The following USP9X variants were observed in gnomAD, a reference collection of about 807,000 sequenced individuals.
USP9X encodes ubiquitin carboxyl-terminal hydrolase 9X.
Under a neutral mutation model 190.3 loss-of-function variants are expected in USP9X, and 7 were observed. The ratio of observed to expected loss-of-function variants is 0.04; its 90% CI spans 0.02 to 0.07. The LOEUF (loss-of-function observed/expected upper bound fraction) is 0.07, where lower values mean the gene tolerates loss of function less well. Ranked by LOEUF, USP9X falls within the 10% of genes least tolerant of loss-of-function variation. The pLI is 1.00. For synonymous variants in USP9X, 645 were observed against 659.5 expected (o/e 0.98, Z 0.34); for missense variants, 1,010 against 1,916.9 (o/e 0.53, Z 8.83).
At chrX:41,160,657 C>T (rs2147100277) in intron 14 of USP9X, among the ~76,000 whole-genome samples, 1 of 111,608 alleles carries the variant, frequency 9.0e-6, no homozygotes, top group Non-Finnish European at 1.9e-5. Flanking sequence ...AACCTGCCTC[C>T]CTTCTGTGTT....
At chrX:41,112,790 A>G (rs1247863925) in intron 1 of USP9X, among the ~76,000 whole-genome samples, 3 of 112,787 alleles carry the variant, frequency 2.7e-5, no homozygotes, top group African/African-American at 9.7e-5. Flanking sequence ...ATTAGTTAAA[A>G]TAGTAATGTT....
At chrX:41,227,764 G>T (rs891184054) in intron 41 of USP9X, among the ~76,000 whole-genome samples, 1 of 109,713 alleles carries the variant, frequency 9.1e-6, no homozygotes, top group Admixed American at 9.7e-5. Flanking sequence ...GCAGTGGCGC[G>T]ATCTCGGCTC....
In USP9X at chrX:41,136,805, G is replaced by A. The variant is rs374612695; in HGVS notation, c.437G>A (p.Arg146Lys). 9 of 1,198,504 alleles carry A rather than the reference G, an allele frequency of 7.5e-6. No individual in the cohort carries two copies. The highest frequency in any genetic ancestry group is 1.0e-5 in the Non-Finnish European group (9 of 885,115). The change falls in exon 6 of 45, where the codon AGG becomes AAG. Residue 146 changes from arginine to lysine, a missense_variant and splice_region_variant. By Grantham distance (26) the Arg-to-Lys change is conservative (BLOSUM62 2). This residue lies in a region of USP9X where 176 missense variants were observed against 247.5 expected (regional missense o/e 0.71). Coordinates refer to ENST00000378308, the MANE Select transcript of USP9X (RefSeq NM_001039591.3). Reference sequence around the variant, plus strand: ...TCGCCTTTCCCCCTTGTATAACAGAGGTGTATTATTAACAATACTCATCGT... The same window carrying A: ...TCGCCTTTCCCCCTTGTATAACAGAAGTGTATTATTAACAATACTCATCGT... ...AVSGWKFEIHRCIINNTHRLV... is the reference protein window; with the variant it reads ...AVSGWKFEIHKCIINNTHRLV...
chrX:41,111,410 A>G (rs2062107791), intron 1 of USP9X, among the ~76,000 whole-genome samples: 1 of 112,192 alleles, frequency 8.9e-6, no homozygotes. Context: ...CTTTTGTTAC[A>G]GAAGGGGCTA....
intron 1 of USP9X, among the ~76,000 whole-genome samples, chrX:41,117,520 A>G (rs923759779): frequency 1.8e-5 from 2 of 109,376 alleles, no homozygotes; most frequent in African/African-American, 3.3e-5. Flanking sequence ...TATATATACA[A>G]TTTTACTGTG....
intron 2 of USP9X, among the ~76,000 whole-genome samples, chrX:41,126,512 G>C (rs181349283): frequency 1.1e-3 from 126 of 111,635 alleles, no homozygotes; most frequent in Non-Finnish European, 1.9e-3. Context: ...CATGGCTTTA[G>C]ACAAAAATCA....
chrX:41,168,515 T>A (rs778843024), intron 18 of USP9X, among the ~76,000 whole-genome samples: 10 of 112,201 alleles, frequency 8.9e-5, no homozygotes, highest in Non-Finnish European at 1.5e-4. Context: ...TTTGTTTATT[T>A]GTTTATTTTG....
rs2147126067 is a variant in USP9X, at chrX:41,171,569, A to G, written c.3028-269A>G. ...GGCATGGCAGCCTTTTGTTATGTCC[A>G]GAGTCTAAATTGTATATATGAGAGA... On this transcript the variant is annotated intron_variant, in intron 20 of 44. Transcript: ENST00000378308. The G allele has an allele frequency of 1.5e-5, 5 of 324,263 alleles. No individual in the cohort carries two copies. In the South Asian group the frequency reaches 1.8e-4, roughly 12 times the overall value. 26.7% of individuals were successfully genotyped at this position (324,263 alleles called of 1,213,427 possible). A position where few individuals can be genotyped will look rare whatever the true frequency, so the allele number is the denominator to read the frequency against.
At chrX:41,128,025 C>CG (rs1440976763) in intron 2 of USP9X, among the ~76,000 whole-genome samples, 1 of 111,163 alleles carries the variant, frequency 9.0e-6, no homozygotes, top group South Asian at 3.7e-4. Flanking sequence ...ACTGTTAAAA[C>CG]GGGGGGAGAG....
intron 1 of USP9X, among the ~76,000 whole-genome samples, chrX:41,099,085 C>A (rs1450554874): frequency 2.4e-5 from 2 of 82,031 alleles, no homozygotes; most frequent in Non-Finnish European, 4.6e-5. Flanking sequence ...TGCCATAATG[C>A]CCAGATAATT....
intron 41 of USP9X, 89 bp from the exon 42 acceptor site, chrX:41,229,164 G>A: frequency 3.2e-6 from 2 of 630,829 alleles, no homozygotes; most frequent in Non-Finnish European, 4.6e-6. Flanking sequence ...ATGACTAAAA[G>A]ACATTATTGA....
At chrX:41,203,724 G>C (rs2063063663) in intron 31 of USP9X, among the ~76,000 whole-genome samples, 1 of 110,512 alleles carries the variant, frequency 9.0e-6, no homozygotes, top group Non-Finnish European at 1.9e-5. Context: ...TTCAGACAGA[G>C]TCTCACTCTG....
intron 5 of USP9X, among the ~76,000 whole-genome samples, chrX:41,136,545 G>A (rs1218909361): frequency 8.9e-6 from 1 of 112,009 alleles, no homozygotes; most frequent in Non-Finnish European, 1.9e-5. Flanking sequence ...TCTTACCTGT[G>A]GACGTAGAGC....
chrX:41,125,363 C>T (rs1417415814), intron 2 of USP9X, among the ~76,000 whole-genome samples: 1 of 94,134 alleles, frequency 1.1e-5, no homozygotes, highest in South Asian at 5.5e-4. Flanking sequence ...ACATGAGCCA[C>T]GGTACCCGGC....
chrX:41,125,682 ACACTCTCTCTCTCTCTCT>A (rs1398969265), intron 2 of USP9X, among the ~76,000 whole-genome samples: 1 of 22,856 alleles, frequency 4.4e-5, no homozygotes, highest in African/African-American at 1.5e-4. Flanking sequence ...ACACACACAC[ACACTCTCTCTCTCTCTCT>A]CTCTCTCTCT....
chrX:41,087,141 C>T (rs1030714636), intron 1 of USP9X, among the ~76,000 whole-genome samples: 5 of 112,645 alleles, frequency 4.4e-5, no homozygotes, highest in African/African-American at 1.6e-4. Context: ...TTCAGATTGT[C>T]TTTTAGTTTA....
At chrX:41,108,966 G>A (rs2062089359) in intron 1 of USP9X, among the ~76,000 whole-genome samples, 1 of 111,135 alleles carries the variant, frequency 9.0e-6, no homozygotes, top group African/African-American at 3.3e-5. Context: ...CTCAAAGTTG[G>A]GGGTGTTGAG....
At chrX:41,231,731 CA>C (rs750438773) in intron 44 of USP9X, among the ~76,000 whole-genome samples, 2,979 of 47,892 alleles carry the variant, frequency 0.062, 120 homozygotes, top group African/African-American at 0.19. Flanking sequence ...ACTCCCATCT[CA>C]AAAAAAAAAA....
chrX:41,206,831 A>G (rs1189330400), intron 32 of USP9X, among the ~76,000 whole-genome samples: 1 of 108,187 alleles, frequency 9.2e-6, no homozygotes, highest in Non-Finnish European at 1.9e-5. Context: ...AGGCTAGAGT[A>G]CAGTGGCGTG....
Sources: gnomAD v4.1 joint callset for allele counts (sites outside exome capture counted in the v4.1 genomes callset) on GRCh38, gnomAD v4.1.1 for gene constraint, gnomAD v4.1.1 regional missense constraint, MANE v1.5 for transcripts, NCBI Gene and HGNC (gene_info 2026-07-23, HGNC 2026-07-21) for gene names.